The following LIMS2 variants were observed in gnomAD, a reference collection of about 807,000 sequenced individuals.
LIMS2 encodes LIM zinc finger domain containing 2, also known as LIM and senescent cell antigen-like-containing domain protein 2.
A neutral mutation model predicts 45.3 loss-of-function variants in LIMS2; 30 were observed. That is an observed-to-expected ratio of 0.66 (90% confidence interval 0.50 to 0.90). The LOEUF is 0.90. Ranked by LOEUF, LIMS2 falls within the 40% of genes least tolerant of loss-of-function variation. The pLI is 0.00. For missense variants in LIMS2, 485 were observed against 468.7 expected (o/e 1.03, Z -0.32); for synonymous variants, 173 against 188.0 (o/e 0.92, Z 0.65).
chr2:127,675,566 T>C (rs946735169), upstream of LIMS2, among the ~76,000 whole-genome samples: 133 of 151,110 alleles, frequency 8.8e-4, 1 homozygote, highest in African/African-American at 3.0e-3. Flanking sequence ...TTAAAGGGAG[T>C]AAAGTTATAA....
intron 4 of LIMS2, chr2:127,650,073 C>T (rs763510206): frequency 1.2e-6 from 2 of 1,604,188 alleles, no homozygotes; most frequent in South Asian, 1.1e-5. Context: ...CTGAAACTCT[C>T]AGGTGGGTAA....
intron 1 of LIMS2, among the ~76,000 whole-genome samples, chr2:127,659,935 C>G (rs1437822231): frequency 2.0e-5 from 3 of 152,208 alleles, no homozygotes; most frequent in African/African-American, 4.8e-5. Context: ...TGTGACTTTC[C>G]TTGTGGTTAT....
At chr2:127,641,439 T>C in intron 6 of LIMS2, 1 of 186,890 alleles carries the variant, frequency 5.4e-6, no homozygotes, top group South Asian at 1.0e-4. Flanking sequence ...GAGCAGCACC[T>C]TGCATTCCCC....
chr2:127,661,530 A>G lies in LIMS2; in HGVS notation c.12-3968T>C, dbSNP rs769471098. On this transcript the variant is annotated intron_variant, in intron 1 of 9. Coordinates refer to ENST00000355119, the MANE Select transcript of LIMS2 (RefSeq NM_001161403.3). ...CCTCCTTTGCACATTCCTTCAAGAT[A>G]GAGAGCACAGAGTCTGTCCAGTTAT... Among the ~76,000 whole-genome samples the G allele has an allele frequency of 4.6e-5, 7 of 151,464 alleles. No homozygotes were observed. In the East Asian group the frequency reaches 7.7e-4, roughly 17 times the overall value.
chr2:127,674,683 CTT>C, intron 1 of LIMS2: 1 of 985,464 alleles, frequency 1.0e-6, no homozygotes, highest in Non-Finnish European at 1.2e-6. Context: ...ACCTTTGAAC[CTT>C]TTGCCCGTGG....
chr2:127,677,742 A>G (rs567173516), upstream of LIMS2, among the ~76,000 whole-genome samples: 3 of 152,362 alleles, frequency 2.0e-5, no homozygotes, highest in East Asian at 5.8e-4. This position sits in a 1 kb window ranked among gnomAD's most constrained non-coding sequence, Gnocchi z 5.0. Context: ...GGTGAATCTC[A>G]GAAATACTGA....
chr2:127,648,439 A>G (rs1447715308), intron 4 of LIMS2, among the ~76,000 whole-genome samples: 1 of 152,106 alleles, frequency 6.6e-6, no homozygotes, highest in Admixed American at 6.5e-5. Flanking sequence ...CTCCTGAAGG[A>G]AGGGTGCGGC....
intron 1 of LIMS2, among the ~76,000 whole-genome samples, chr2:127,673,508 C>T (rs1685365653): frequency 6.6e-6 from 1 of 152,204 alleles, no homozygotes; most frequent in Non-Finnish European, 1.5e-5. Context: ...TCCGGCCGGG[C>T]TCACCTGACG....
chr2:127,643,138 AAG>A (rs1306620217), intron 4 of LIMS2, 66 bp from the exon 5 acceptor site: 18 of 1,498,396 alleles, frequency 1.2e-5, no homozygotes, highest in Non-Finnish European at 1.5e-5. Context: ...CCTCCAGGAG[AAG>A]AGAGGCCAGA....
chr2:127,663,626 G>GCCCCCCCC (rs142910947), intron 1 of LIMS2, among the ~76,000 whole-genome samples: 1 of 136,286 alleles, frequency 7.3e-6, no homozygotes, highest in Non-Finnish European at 1.6e-5. Context: ...CTCCCTCCCT[G>GCCCCCCCC]CCCCCCCGCC....
At chr2:127,658,792 G>A (rs1175543087) in intron 1 of LIMS2, among the ~76,000 whole-genome samples, 1 of 152,244 alleles carries the variant, frequency 6.6e-6, no homozygotes, top group South Asian at 2.1e-4. Flanking sequence ...GGCTCGCTGG[G>A]GAGTGACGCA....
Position 127,664,008 on chromosome 2 carries a change from A to G in LIMS2, c.12-6446T>C, listed in dbSNP as rs568553513. Among the ~76,000 whole-genome samples, 3 of 152,326 alleles carry G rather than the reference A, an allele frequency of 2.0e-5. No homozygotes were observed. Among genetic ancestry groups the G allele is most frequent in the Non-Finnish European group, 2.9e-5 (2 of 68,032 alleles). ...CTGCTCAGAACCTGTCTGCTCATCTATAAAGTGCAGCATGATCACCCCCGT... is the reference window on the plus strand; with the variant it reads ...CTGCTCAGAACCTGTCTGCTCATCTGTAAAGTGCAGCATGATCACCCCCGT... On this transcript the variant is annotated intron_variant, in intron 1 of 9. Transcript: ENST00000355119. The surrounding 1 kb of genome is among the most constrained non-coding windows in gnomAD (Gnocchi z 5.5).
At chr2:127,657,005 C>T (rs1013384163) in intron 2 of LIMS2, among the ~76,000 whole-genome samples, 2 of 152,190 alleles carry the variant, frequency 1.3e-5, no homozygotes, top group Non-Finnish European at 2.9e-5. Flanking sequence ...GTGCCCAAAC[C>T]TCACCTTCCC....
At position 127,653,762 on chromosome 2, in the gene LIMS2, C is replaced by T. The variant is rs928590472; in HGVS notation, c.359+662G>A. Among the ~76,000 whole-genome samples the T allele has an allele frequency of 1.4e-4, 22 of 152,026 alleles. No homozygotes were observed. The East Asian group carries it at 2.5e-3, about 17-fold the overall frequency. On this transcript the variant is annotated intron_variant, in intron 4 of 9. Transcript: ENST00000355119. The surrounding 1 kb of genome is among the most constrained non-coding windows in gnomAD (Gnocchi z 5.3). ...GCAGATGAGGCCAGGGTAGCACACG[C>T]GAGGGGCAGCGGGTGTGCTGGGAGA...
intron 4 of LIMS2, chr2:127,649,937 G>T: frequency 7.8e-7 from 1 of 1,274,204 alleles, no homozygotes; most frequent in Non-Finnish European, 1.1e-6. Flanking sequence ...TCTACTCTGG[G>T]AGAGAAAATA....
intron 4 of LIMS2, among the ~76,000 whole-genome samples, chr2:127,652,835 C>T (rs2105283985): frequency 6.6e-6 from 1 of 152,330 alleles, no homozygotes; most frequent in East Asian, 1.9e-4. Context: ...GCCCTCATTC[C>T]TCACTCTAGC....
intron 2 of LIMS2, 132 bp downstream of exon 2, chr2:127,657,271 C>T: frequency 9.5e-7 from 1 of 1,049,794 alleles, no homozygotes; most frequent in Non-Finnish European, 1.4e-6. Flanking sequence ...TGCAGGAGCT[C>T]AAGCCTGGTT....
In LIMS2 at chr2:127,664,705, A is replaced by G. The variant is rs1041053948; in HGVS notation, c.12-7143T>C. ...CAGACAGCACTGAGGTGAGGTCCAC[A>G]GTGGCGGCAGGACACCCAGGAGGTC... On this transcript the variant is annotated intron_variant, in intron 1 of 9. Coordinates refer to ENST00000355119, the MANE Select transcript of LIMS2 (RefSeq NM_001161403.3). This position sits in a 1 kb window ranked among gnomAD's most constrained non-coding sequence, Gnocchi z 5.5. 4 of 705,934 alleles carry G rather than the reference A, an allele frequency of 5.7e-6. No individual in the cohort carries two copies. Among genetic ancestry groups the G allele is most frequent in the Non-Finnish European group, 7.0e-6 (4 of 574,636 alleles). 43.7% of individuals were successfully genotyped at this position (705,934 alleles called of 1,614,324 possible). A position where few individuals can be genotyped will look rare whatever the true frequency, so the allele number is the denominator to read the frequency against.
chr2:127,643,498 C>T (rs1426412232), intron 4 of LIMS2: 1 of 457,194 alleles, frequency 2.2e-6, no homozygotes, highest in East Asian at 6.9e-5. Context: ...CACTCACCCC[C>T]TTCCTTCGGG....
Sources: gnomAD v4.1 joint callset for allele counts (sites outside exome capture counted in the v4.1 genomes callset) on GRCh38, gnomAD v4.1.1 for gene constraint, Gnocchi (gnomAD v3.1) non-coding constraint, MANE v1.5 for transcripts, NCBI Gene and HGNC (gene_info 2026-07-23, HGNC 2026-07-21) for gene names.